Variants in C6orf89 observed in about 807,000 individuals in gnomAD.
C6orf89 encodes the protein bombesin receptor-activated protein C6orf89.
C6orf89 carries 29 observed loss-of-function variants against 40.7 expected under a neutral mutation model. The observed-to-expected ratio is 0.71, with a 90% CI of 0.53 to 0.97. The LOEUF (loss-of-function observed/expected upper bound fraction) is 0.97, where lower values mean the gene tolerates loss of function less well. Among genes scored for constraint, C6orf89 ranks in the 50% least tolerant of loss-of-function variants. The probability of loss-of-function intolerance (pLI) is 0.00; values close to 1 mark genes in which losing one functional copy is unlikely to be tolerated. For synonymous variants in C6orf89, 165 were observed against 152.2 expected, an observed-to-expected ratio of 1.08 and a Z score of -0.62; for missense variants, 392 against 429.1, an observed-to-expected ratio of 0.91 and a Z score of 0.76.
chr6:36,895,598 A>T (rs1255140723), intron 2 of C6orf89, among the ~76,000 whole-genome samples: 1 of 152,200 alleles, frequency 6.6e-6, no homozygotes, highest in Non-Finnish European at 1.5e-5. Context: ...CAGCTATATA[A>T]TCTGTAGTTT....
At position 36,919,580 on chromosome 6, in the gene C6orf89, G is replaced by T; in HGVS notation, c.828G>T (p.Met276Ile). The stretch of plus-strand genomic sequence containing the variant: ...CCCCTCCTCATTCTTTCCTCCAGAT[G>T]CATAAGATGCCTGACCTATTTATCA... ...LHPEPVVGSK[M>I]HKMPDLFIIG... Residue 276 changes from methionine to isoleucine, a missense_variant and splice_region_variant, in exon 8 of 9, where the codon ATG becomes ATT. By Grantham distance (10) the Met-to-Ile change is conservative. Coordinates refer to ENST00000480824, the MANE Select transcript of C6orf89 (RefSeq NM_001286635.2). 1 of 1,612,586 alleles carries T rather than the reference G, an allele frequency of 6.2e-7. No individual in the cohort carries two copies.
At chr6:36,890,988 CACTTTT>C (rs927182878) in intron 1 of C6orf89, among the ~76,000 whole-genome samples, 1 of 133,616 alleles carries the variant, frequency 7.5e-6, no homozygotes, top group Non-Finnish European at 1.7e-5. Flanking sequence ...ATCTAAGAAG[CACTTTT>C]TCTTTTTATT....
rs1337857767 is a variant in C6orf89, at chr6:36,901,289, G to GTATTAT, written c.190-903_190-898dup. On this transcript the variant is annotated intron_variant, in intron 3 of 8. Transcript: ENST00000480824. ...GAGCCACTGCGCCCGGCCCCTTTGT[G>GTATTAT]TATTATTATTATTATTATTATTATT... Among the ~76,000 whole-genome samples the GTATTAT allele has an allele frequency of 5.7e-3, 452 of 79,448 alleles. 2 individuals carry two copies. The highest frequency in any genetic ancestry group is 9.5e-3 in the African/African-American group (200 of 20,992). 52.1% of individuals were successfully genotyped at this position (79,448 alleles called of 152,430 possible).
intron 4 of C6orf89, among the ~76,000 whole-genome samples, chr6:36,904,284 G>A (rs142021650): frequency 1.3e-5 from 2 of 152,312 alleles, no homozygotes; most frequent in East Asian, 3.9e-4. Context: ...TTAGTGTCTT[G>A]TAAACAAGCT....
In C6orf89 at chr6:36,928,255, C is replaced by A. The variant is rs1302614789; in HGVS notation, c.*4814C>A. 1 of 152,210 alleles carries A rather than the reference C, an allele frequency of 6.6e-6. No homozygotes were observed. Among genetic ancestry groups the A allele is most frequent in the Non-Finnish European group, 1.5e-5 (1 of 68,058 alleles). The allele number at this position is 152,210 out of a possible 1,614,324, so 9.4% of individuals were successfully genotyped here. A position where few individuals can be genotyped will look rare whatever the true frequency, so the allele number is the denominator to read the frequency against. On this transcript the variant is annotated 3_prime_UTR_variant, in exon 9 of 9. Coordinates refer to ENST00000480824, the MANE Select transcript of C6orf89 (RefSeq NM_001286635.2). ...CAGCAGCCATCAATCCAAGAATGAGCCATGGCGGCAAGCACTGTGTGGAGA... is the reference window on the plus strand; with the variant it reads ...CAGCAGCCATCAATCCAAGAATGAGACATGGCGGCAAGCACTGTGTGGAGA...
At chr6:36,895,595 A>G (rs536567127) in intron 2 of C6orf89, among the ~76,000 whole-genome samples, 1 of 152,356 alleles carries the variant, frequency 6.6e-6, no homozygotes, top group South Asian at 2.1e-4. Context: ...ATGCAGCTAT[A>G]TAATCTGTAG....
chr6:36,899,375 C>G, intron 2 of C6orf89, 51 bp from the exon 3 acceptor site: 1 of 1,564,730 alleles, frequency 6.4e-7, no homozygotes, highest in Non-Finnish European at 8.8e-7. Context: ...GAGGAAGTAC[C>G]TAAAGAAACC....
upstream of C6orf89, among the ~76,000 whole-genome samples, chr6:36,882,717 TTTTTTTTTTCTTTTTTC>T (rs1256689043): frequency 8.9e-4 from 104 of 117,478 alleles, 7 homozygotes; most frequent in East Asian, 0.029. Flanking sequence ...CATTTTCTTT[TTTTTTTTTTCTTTTTTC>T]TTTTTTTTTT....
rs530296576 is a variant in C6orf89, at chr6:36,927,251, G to A, written c.*3810G>A. 2.0e-5 allele frequency: 3 copies of A among 152,210 alleles called. No individual in the cohort carries two copies. The highest frequency in any genetic ancestry group is 4.4e-5 in the Non-Finnish European group (3 of 68,038). 9.4% of individuals were successfully genotyped at this position (152,210 alleles called of 1,614,324 possible). ...ACCAAAACCCAGCATAGGACTCAGT[G>A]TACACTTACTTTAAAACAAAAACTC... On this transcript the variant is annotated 3_prime_UTR_variant, in exon 9 of 9. Transcript: ENST00000480824.
At chr6:36,901,626 G>A (rs1194195346) in intron 3 of C6orf89, among the ~76,000 whole-genome samples, 1 of 148,210 alleles carries the variant, frequency 6.7e-6, no homozygotes, top group Non-Finnish European at 1.5e-5. Context: ...GAGCCACTGC[G>A]CCCGGCCCCC....
intron 4 of C6orf89, among the ~76,000 whole-genome samples, chr6:36,912,250 T>C (rs774527196): frequency 6.0e-4 from 92 of 152,154 alleles, no homozygotes; most frequent in Non-Finnish European, 1.2e-3. Context: ...CTATCACCTC[T>C]AACTTTCAGT....
chr6:36,907,531 T>A (rs986222372), intron 4 of C6orf89, among the ~76,000 whole-genome samples: 1 of 152,218 alleles, frequency 6.6e-6, no homozygotes, highest in African/African-American at 2.4e-5. Context: ...GCACGTTGAC[T>A]TCAAGGCTGT....
At chr6:36,922,320 A>G (rs1430674681) in intron 8 of C6orf89, among the ~76,000 whole-genome samples, 3 of 152,120 alleles carry the variant, frequency 2.0e-5, no homozygotes, top group African/African-American at 7.2e-5. Context: ...AGCTTGGGCA[A>G]CAAGAGTGAA....
At chr6:36,885,681 G>A (rs1382723482), upstream of C6orf89, among the ~76,000 whole-genome samples, 1 of 152,114 alleles carries the variant, frequency 6.6e-6, no homozygotes, top group African/African-American at 2.4e-5. Context: ...CTTGTTCTAT[G>A]GATCAGTTCA....
chr6:36,891,214 A>G (rs1326418363), intron 1 of C6orf89, among the ~76,000 whole-genome samples: 1 of 152,066 alleles, frequency 6.6e-6, no homozygotes, highest in Admixed American at 6.6e-5. Flanking sequence ...TCATTATTCA[A>G]TTCCCACCTA....
upstream of C6orf89, chr6:36,883,062 T>A (rs114695636): frequency 0.058 from 8,899 of 152,336 alleles, 329 homozygotes; most frequent in Middle Eastern, 0.15. Context: ...TCAATGCATG[T>A]TTTCTGGTTG....
chr6:36,905,259 T>A (rs1184566264), intron 4 of C6orf89, among the ~76,000 whole-genome samples: 2 of 152,178 alleles, frequency 1.3e-5, no homozygotes, highest in African/African-American at 2.4e-5. Flanking sequence ...GTCCCAGGTC[T>A]GGTCACGGAG....
chr6:36,886,485 GCA>G (rs774639374), intron 1 of C6orf89, among the ~76,000 whole-genome samples: 6 of 152,084 alleles, frequency 3.9e-5, no homozygotes, highest in Non-Finnish European at 7.4e-5. Context: ...GATAAACCTG[GCA>G]TCTTGGATTT....
In C6orf89 at chr6:36,924,659, T is replaced by C. The variant is rs1202425205; in HGVS notation, c.*1218T>C. ...TTCTTTTCCTGTTCCTTTTATTTTT[T>C]TCTCTCTTTATTATTCTTTTATTGA... is the stretch of plus-strand genomic sequence containing the variant. On this transcript the variant is annotated 3_prime_UTR_variant, in exon 9 of 9. Coordinates refer to ENST00000480824, the MANE Select transcript of C6orf89 (RefSeq NM_001286635.2). 2.0e-5 allele frequency: 3 copies of C among 152,228 alleles called. No individual in the cohort carries two copies. Among genetic ancestry groups the C allele is most frequent in the Non-Finnish European group, 4.4e-5 (3 of 68,046 alleles). 9.4% of individuals were successfully genotyped at this position (152,228 alleles called of 1,614,324 possible). A position where few individuals can be genotyped will look rare whatever the true frequency, so the allele number is the denominator to read the frequency against.
Sources: gnomAD v4.1 joint callset for allele counts (sites outside exome capture counted in the v4.1 genomes callset) on GRCh38, gnomAD v4.1.1 for gene constraint, MANE v1.5 for transcripts, NCBI Gene and HGNC (gene_info 2026-07-23, HGNC 2026-07-21) for gene names.